The following KMT5B variants were observed in gnomAD, a reference collection of about 807,000 sequenced individuals.
KMT5B encodes the protein lysine methyltransferase 5B, also known as histone-lysine N-methyltransferase KMT5B.
Under a neutral mutation model 83.2 loss-of-function variants are expected in KMT5B, and 10 were observed. The ratio of observed to expected loss-of-function variants is 0.12; its 90% confidence interval spans 0.07 to 0.20. The LOEUF (loss-of-function observed/expected upper bound fraction) is 0.20, where lower values mean the gene tolerates loss of function less well. Ranked by LOEUF, KMT5B falls within the 10% of genes least tolerant of loss-of-function variation. KMT5B has a pLI of 1.00. For synonymous variants in KMT5B, 349 were observed against 388.8 expected (o/e 0.90, Z 1.20); for missense variants, 753 against 1,067.2 (o/e 0.71, Z 4.10).
rs1383100891 is a variant in KMT5B, at chr11:68,157,229, TA to T, written c.*458del. The T allele has an allele frequency of 1.3e-5, 2 of 152,386 alleles. No homozygotes were observed. The highest frequency in any genetic ancestry group is 2.9e-5 in the Non-Finnish European group (2 of 68,178). The allele number at this position is 152,386 out of a possible 1,614,324, so 9.4% of individuals were successfully genotyped here. On this transcript the variant is annotated 3_prime_UTR_variant, in exon 11 of 11. Transcript: ENST00000304363. ...CTCCAAGGGGGAAACATCTAGCAAA[TA>T]AATCAAAAAGCCAAAGATCATTGCT... is the stretch of plus-strand genomic sequence containing the variant.
intron 3 of KMT5B, among the ~76,000 whole-genome samples, chr11:68,182,525 T>C (rs980139958): frequency 6.6e-6 from 1 of 151,018 alleles, no homozygotes; most frequent in African/African-American, 2.4e-5. Context: ...GTGGTATGAA[T>C]ACAGCTCATT....
chr11:68,208,636 T>C (rs911733441), intron 1 of KMT5B, among the ~76,000 whole-genome samples: 2 of 152,080 alleles, frequency 1.3e-5, no homozygotes, highest in Non-Finnish European at 2.9e-5. Flanking sequence ...GGAGAGAGAC[T>C]AATGTAAGAA....
At chr11:68,162,454 G>GT (rs1182906135) in intron 10 of KMT5B, among the ~76,000 whole-genome samples, 1 of 152,144 alleles carries the variant, frequency 6.6e-6, no homozygotes, top group Admixed American at 6.5e-5. Flanking sequence ...TCATCCCCCT[G>GT]TAAGACTCAG....
intron 1 of KMT5B, among the ~76,000 whole-genome samples, chr11:68,196,627 T>G (rs1858746974): frequency 6.6e-6 from 1 of 151,424 alleles, no homozygotes; most frequent in Non-Finnish European, 1.5e-5. Context: ...ATGTCCATGG[T>G]GTGTAAGGGG....
At chr11:68,164,949 G>C (rs1298756121) in intron 10 of KMT5B, among the ~76,000 whole-genome samples, 1 of 152,126 alleles carries the variant, frequency 6.6e-6, no homozygotes, top group Non-Finnish European at 1.5e-5. Flanking sequence ...TAAGTATTTA[G>C]TTTGTTAATA....
At position 68,157,652 on chromosome 11, in the gene KMT5B, A is replaced by G. The variant is rs1268983159; in HGVS notation, c.*36T>C. The G allele has an allele frequency of 1.3e-6, 2 of 1,501,758 alleles. No homozygotes were observed. The highest frequency in any genetic ancestry group is 8.9e-7 in the Non-Finnish European group (1 of 1,128,938). The allele number at this position is 1,501,758 out of a possible 1,614,324, so 93.0% of individuals were successfully genotyped here. ...ATTGACTGGAATTTTTTATTTCTTT[A>G]AAGTAGTTATCCCAGGTCAAGTTAA... On this transcript the variant is annotated 3_prime_UTR_variant, in exon 11 of 11. Coordinates refer to ENST00000304363, the MANE Select transcript of KMT5B (RefSeq NM_017635.5).
intron 2 of KMT5B, among the ~76,000 whole-genome samples, chr11:68,186,226 A>G (rs1857425633): frequency 6.6e-6 from 1 of 152,198 alleles, no homozygotes; most frequent in South Asian, 2.1e-4. Context: ...CTTCTCTCCA[A>G]GGAACACTGA....
intron 6 of KMT5B, among the ~76,000 whole-genome samples, chr11:68,172,395 CA>C (rs1855921244): frequency 6.9e-6 from 1 of 144,588 alleles, no homozygotes; most frequent in Non-Finnish European, 1.5e-5. Context: ...ACACCTAGCT[CA>C]TTTTTTTTTT....
At chr11:68,184,831 T>C (rs1857277774) in intron 3 of KMT5B, among the ~76,000 whole-genome samples, 1 of 152,232 alleles carries the variant, frequency 6.6e-6, no homozygotes, top group African/African-American at 2.4e-5. Flanking sequence ...TGGTCTTTTT[T>C]GAGGGAGAAA....
At chr11:68,207,754 G>C (rs1380358350) in intron 1 of KMT5B, among the ~76,000 whole-genome samples, 1 of 144,280 alleles carries the variant, frequency 6.9e-6, no homozygotes, top group Admixed American at 6.9e-5. Context: ...TCGTGCCACT[G>C]CACTCCAGCT....
chr11:68,161,884 C>T (rs549499885), intron 10 of KMT5B, among the ~76,000 whole-genome samples: 31 of 152,264 alleles, frequency 2.0e-4, no homozygotes, highest in African/African-American at 7.5e-4. Flanking sequence ...CAGACCCGCT[C>T]CTAACTTACA....
intron 10 of KMT5B, among the ~76,000 whole-genome samples, chr11:68,160,959 A>C (rs954721236): frequency 2.0e-5 from 3 of 152,154 alleles, no homozygotes; most frequent in Non-Finnish European, 2.9e-5. Context: ...GAAAAACAAA[A>C]ACAAAGAAGG....
At chr11:68,172,767 A>G (rs1855965171) in intron 6 of KMT5B, among the ~76,000 whole-genome samples, 1 of 152,118 alleles carries the variant, frequency 6.6e-6, no homozygotes, top group Non-Finnish European at 1.5e-5. Flanking sequence ...AGGGAGCCAC[A>G]TAATCCAACT....
intron 1 of KMT5B, among the ~76,000 whole-genome samples, chr11:68,201,299 A>T (rs1276630253): frequency 1.3e-5 from 2 of 152,210 alleles, no homozygotes; most frequent in African/African-American, 4.8e-5. Flanking sequence ...ATTTACTTAT[A>T]ATCAGAAAAA....
At chr11:68,192,313 C>CT (rs1858179851) in intron 1 of KMT5B, among the ~76,000 whole-genome samples, 1 of 152,202 alleles carries the variant, frequency 6.6e-6, no homozygotes, top group Non-Finnish European at 1.5e-5. Context: ...TGTCTCCACT[C>CT]TTTAAAGACA....
chr11:68,171,377 G>C lies in KMT5B; in HGVS notation c.821-126C>G, dbSNP rs984429671. 7.8e-7 allele frequency: 1 copy of C among 1,286,640 alleles called. No individual in the cohort carries two copies. Among genetic ancestry groups the C allele is most frequent in the African/African-American group, 1.5e-5 (1 of 66,222 alleles). 79.7% of individuals were successfully genotyped at this position (1,286,640 alleles called of 1,614,324 possible). A position where few individuals can be genotyped will look rare whatever the true frequency, so the allele number is the denominator to read the frequency against. ...CTTTTGATAGGAGTTTAGGTCTCAA[G>C]TTCAACTAAAGGAATATACATTTAT... On this transcript the variant is annotated intron_variant, in intron 7 of 10. Coordinates refer to ENST00000304363, the MANE Select transcript of KMT5B (RefSeq NM_017635.5). This position sits in a 1 kb window ranked among gnomAD's most constrained non-coding sequence, Gnocchi z 5.1.
chr11:68,160,537 C>A (rs1250046767), intron 10 of KMT5B, among the ~76,000 whole-genome samples: 1 of 151,998 alleles, frequency 6.6e-6, no homozygotes, highest in Non-Finnish European at 1.5e-5. Flanking sequence ...CACTGCCCAA[C>A]CAAGTGAGGA....
At chr11:68,198,780 A>C (rs1859051368) in intron 1 of KMT5B, among the ~76,000 whole-genome samples, 1 of 152,084 alleles carries the variant, frequency 6.6e-6, no homozygotes, top group Admixed American at 6.6e-5. Context: ...CCCAGGCTGG[A>C]GTGCAGTGGC....
At chr11:68,182,470 G>GT (rs1472812846) in intron 3 of KMT5B, among the ~76,000 whole-genome samples, 2 of 152,126 alleles carry the variant, frequency 1.3e-5, no homozygotes, top group South Asian at 2.1e-4. Context: ...GCTTCCTTTT[G>GT]TTTTTTAATA....
Sources: allele counts gnomAD v4.1 joint callset (sites outside exome capture counted in the v4.1 genomes callset), GRCh38; gene constraint gnomAD v4.1.1; non-coding constraint Gnocchi (gnomAD v3.1); transcripts MANE v1.5; gene names NCBI Gene and HGNC (gene_info 2026-07-23, HGNC 2026-07-21).